Variants in ENOX1 observed in about 807,000 individuals in gnomAD.
ENOX1 encodes the protein candidate growth-related and time keeping constitutive hydroquinone (NADH) oxidase.
In ENOX1, 42 loss-of-function variants were observed where a neutral mutation model predicts 82.5. The observed-to-expected ratio is 0.51, with a 90% CI of 0.40 to 0.66. The LOEUF is 0.66. ENOX1 is among the 30% of genes least tolerant of loss of function. The pLI is 0.00. For synonymous variants in ENOX1, 271 were observed against 282.2 expected (o/e 0.96, Z 0.40); for missense variants, 608 against 811.6 (o/e 0.75, Z 3.05).
At chr13:43,554,280 A>T (rs890227759) in intron 2 of ENOX1, among the ~76,000 whole-genome samples, 1 of 152,214 alleles carries the variant, frequency 6.6e-6, no homozygotes, top group Non-Finnish European at 1.5e-5. Context: ...CTATGGCAAA[A>T]ATAGGGAGCC....
intron 11 of ENOX1, among the ~76,000 whole-genome samples, chr13:43,311,140 A>G (rs1031399747): frequency 1.3e-5 from 2 of 152,026 alleles, no homozygotes; most frequent in Non-Finnish European, 2.9e-5. Context: ...TCGACATAAC[A>G]TAGTGCTCTG....
intron 14 of ENOX1, among the ~76,000 whole-genome samples, chr13:43,260,311 A>G (rs545020626): frequency 1.6e-3 from 244 of 152,316 alleles, no homozygotes; most frequent in African/African-American, 5.7e-3. Context: ...GGTGAATGGG[A>G]AGGTGTTCTG....
intron 15 of ENOX1, among the ~76,000 whole-genome samples, chr13:43,229,073 A>G (rs1169796237): frequency 6.6e-6 from 1 of 152,194 alleles, no homozygotes; most frequent in African/African-American, 2.4e-5. Flanking sequence ...TTCTCATGCT[A>G]GTGAATAAGT....
intron 2 of ENOX1, among the ~76,000 whole-genome samples, chr13:43,606,994 C>T (rs930057941): frequency 1.4e-4 from 21 of 151,958 alleles, no homozygotes; most frequent in Admixed American, 3.9e-4. Flanking sequence ...GGTGACAGAG[C>T]GAGACCCTGT....
At chr13:43,431,968 T>C (rs1031877804) in intron 3 of ENOX1, among the ~76,000 whole-genome samples, 3 of 152,168 alleles carry the variant, frequency 2.0e-5, no homozygotes, top group African/African-American at 7.2e-5. Context: ...GAGCCAAGTA[T>C]AGGCCTTATA....
At chr13:43,482,604 A>G (rs1345079502) in intron 3 of ENOX1, among the ~76,000 whole-genome samples, 1 of 152,042 alleles carries the variant, frequency 6.6e-6, no homozygotes, top group Non-Finnish European at 1.5e-5. Context: ...AAAATTTGTT[A>G]AAGGGTAGAT....
chr13:43,385,654 T>C (rs1029140786), intron 5 of ENOX1, among the ~76,000 whole-genome samples: 2 of 152,238 alleles, frequency 1.3e-5, no homozygotes, highest in African/African-American at 2.4e-5. Context: ...TTTGCCATTT[T>C]TTCTTCACTG....
At chr13:43,742,963 G>T (rs1461653066) in intron 1 of ENOX1, among the ~76,000 whole-genome samples, 1 of 152,182 alleles carries the variant, frequency 6.6e-6, no homozygotes, top group African/African-American at 2.4e-5. Flanking sequence ...TTCTATCCTA[G>T]AAACAATTTC....
chr13:43,754,782 GTCTAGTT>G (rs1240808856), intron 1 of ENOX1, among the ~76,000 whole-genome samples: 1 of 151,964 alleles, frequency 6.6e-6, no homozygotes, highest in Non-Finnish European at 1.5e-5. Flanking sequence ...ATGTTGCCGA[GTCTAGTT>G]TCAAACTCCT....
At chr13:43,728,554 G>A (rs2089134499) in intron 1 of ENOX1, among the ~76,000 whole-genome samples, 1 of 152,132 alleles carries the variant, frequency 6.6e-6, no homozygotes, top group African/African-American at 2.4e-5. Flanking sequence ...TTCCCAAAAT[G>A]TGCACTGAGA....
intron 2 of ENOX1, among the ~76,000 whole-genome samples, chr13:43,522,117 T>C (rs1309614951): frequency 6.6e-6 from 1 of 152,090 alleles, no homozygotes; most frequent in Non-Finnish European, 1.5e-5. Flanking sequence ...TCACATCTAG[T>C]TCTTGAAATC....
At chr13:43,254,230 G>T (rs1182902757) in intron 14 of ENOX1, among the ~76,000 whole-genome samples, 1 of 152,252 alleles carries the variant, frequency 6.6e-6, no homozygotes, top group East Asian at 1.9e-4. Flanking sequence ...AGAATCCCTA[G>T]GCCACAAAGA....
rs141112331 is a variant in ENOX1, at chr13:43,293,772, A to T, written c.1446+4574T>A. Among the ~76,000 whole-genome samples, 518 of 152,338 alleles carry T rather than the reference A, an allele frequency of 3.4e-3. 1 individual carries two copies. Among genetic ancestry groups the T allele is most frequent in the African/African-American group, 0.011 (459 of 41,588 alleles). The stretch of plus-strand genomic sequence containing the variant: ...AAAATACTTTCATTTATTCCTTAGC[A>T]GATATTCCAAAGTCTGACTCTTACC... On this transcript the variant is annotated intron_variant, in intron 12 of 16. Coordinates refer to ENST00000690772, the MANE Select transcript of ENOX1 (RefSeq NM_001347969.2).
intron 5 of ENOX1, 100 bp downstream of exon 5, chr13:43,411,816 A>T: frequency 6.9e-7 from 1 of 1,456,414 alleles, no homozygotes; most frequent in Non-Finnish European, 9.4e-7. Context: ...TAAATAAAAG[A>T]CTGTGTCCAA....
intron 1 of ENOX1, among the ~76,000 whole-genome samples, chr13:43,779,488 G>A (rs1470540081): frequency 6.6e-6 from 1 of 152,190 alleles, no homozygotes; most frequent in Non-Finnish European, 1.5e-5. Flanking sequence ...AACCCCAGGT[G>A]GGGAATAGGA....
At chr13:43,452,289 G>A (rs1470854222) in intron 3 of ENOX1, among the ~76,000 whole-genome samples, 2 of 151,882 alleles carry the variant, frequency 1.3e-5, no homozygotes, top group Non-Finnish European at 2.9e-5. Flanking sequence ...ACCCCTTGAC[G>A]GGCCCTGGTG....
chr13:43,341,341 G>A (rs541064659), intron 9 of ENOX1, among the ~76,000 whole-genome samples: 45 of 151,858 alleles, frequency 3.0e-4, no homozygotes, highest in Non-Finnish European at 6.2e-4. Flanking sequence ...TCTACTAGAA[G>A]AGGGTGGACC....
chr13:43,226,769 C>A (rs2042044746), intron 15 of ENOX1, among the ~76,000 whole-genome samples: 2 of 152,146 alleles, frequency 1.3e-5, no homozygotes, highest in Admixed American at 1.3e-4. Flanking sequence ...TTCTCCTCCT[C>A]CCCTGCAGGG....
At chr13:43,390,858 T>C (rs543786511) in intron 5 of ENOX1, among the ~76,000 whole-genome samples, 13 of 152,268 alleles carry the variant, frequency 8.5e-5, no homozygotes, top group African/African-American at 3.1e-4. Flanking sequence ...CTCCCTTCCC[T>C]TTTTCGGTTT....
Sources: allele counts gnomAD v4.1 joint callset (sites outside exome capture counted in the v4.1 genomes callset), GRCh38; gene constraint gnomAD v4.1.1; transcripts MANE v1.5; gene names NCBI Gene and HGNC (gene_info 2026-07-23, HGNC 2026-07-21).